MARCHF1: variants seen among roughly 807,000 people sequenced by gnomAD.
The protein encoded by MARCHF1 is E3 ubiquitin-protein ligase MARCHF1.
MARCHF1 carries 40 observed loss-of-function variants against 54.2 expected under a neutral mutation model. The observed-to-expected ratio is 0.74, with a 90% CI of 0.57 to 0.96. The LOEUF (loss-of-function observed/expected upper bound fraction) is 0.96. MARCHF1 is among the 40% of genes least tolerant of loss of function. The pLI is 0.00. For missense variants in MARCHF1, 586 were observed against 656.5 expected (o/e 0.89, Z 1.17); for synonymous variants, 236 against 236.3 (o/e 1.00, Z 0.01).
chr4:163,711,439 TC>T (rs1248704133), intron 4 of MARCHF1, among the ~76,000 whole-genome samples: 3 of 151,330 alleles, frequency 2.0e-5, no homozygotes, highest in African/African-American at 7.3e-5. Context: ...GTCCCACTGT[TC>T]CCCACCCTGA....
intron 1 of MARCHF1, chr4:164,197,176 G>A (rs1485218495): frequency 1.2e-6 from 2 of 1,607,808 alleles, no homozygotes; most frequent in South Asian, 2.2e-5. Flanking sequence ...CACTACCTGA[G>A]CATCTTCATC....
At chr4:163,722,601 T>C (rs1374152302) in intron 4 of MARCHF1, among the ~76,000 whole-genome samples, 3 of 152,194 alleles carry the variant, frequency 2.0e-5, no homozygotes, top group Non-Finnish European at 4.4e-5. Flanking sequence ...CTTTGTCTCA[T>C]TGATCTGTCT....
chr4:163,683,356 A>C (rs2111171672), intron 5 of MARCHF1, among the ~76,000 whole-genome samples: 1 of 152,270 alleles, frequency 6.6e-6, no homozygotes, highest in South Asian at 2.1e-4. Flanking sequence ...CACTATCACA[A>C]GAACAGCACG....
chr4:164,101,794 T>C (rs1755568313), intron 2 of MARCHF1, among the ~76,000 whole-genome samples: 1 of 149,634 alleles, frequency 6.7e-6, no homozygotes, highest in African/African-American at 2.4e-5. Context: ...AGAAGAAGGC[T>C]TCAGACGATC....
chr4:164,006,561 G>A (rs187010793), intron 2 of MARCHF1, among the ~76,000 whole-genome samples: 13 of 152,110 alleles, frequency 8.5e-5, no homozygotes, highest in African/African-American at 2.4e-4. Flanking sequence ...AAGTTTATTC[G>A]AAGAAATCAC....
At chr4:163,832,207 G>T (rs1348615579) in intron 4 of MARCHF1, among the ~76,000 whole-genome samples, 1 of 152,202 alleles carries the variant, frequency 6.6e-6, no homozygotes, top group East Asian at 1.9e-4. Flanking sequence ...CAGACAAATT[G>T]TGATGCCCTC....
chr4:164,160,703 T>C (rs900326408), intron 1 of MARCHF1, among the ~76,000 whole-genome samples: 1 of 152,122 alleles, frequency 6.6e-6, no homozygotes, highest in African/African-American at 2.4e-5. Context: ...TGACAGTGAG[T>C]GCTTTCTCTT....
At chr4:164,044,967 C>T (rs927502469) in intron 2 of MARCHF1, among the ~76,000 whole-genome samples, 5 of 151,898 alleles carry the variant, frequency 3.3e-5, no homozygotes, top group African/African-American at 1.2e-4. Context: ...TTTCTAGTAA[C>T]TCAGAAAAAT....
intron 5 of MARCHF1, among the ~76,000 whole-genome samples, chr4:163,653,343 G>T (rs1464731282): frequency 2.0e-5 from 3 of 151,790 alleles, no homozygotes; most frequent in Non-Finnish European, 4.4e-5. Flanking sequence ...GTAGCATGTG[G>T]TAAGAATGTT....
intron 1 of MARCHF1, among the ~76,000 whole-genome samples, chr4:164,295,759 G>C (rs1734394491): frequency 6.6e-6 from 1 of 152,088 alleles, no homozygotes; most frequent in African/African-American, 2.4e-5. Context: ...TAGGAGAAAA[G>C]AGAAAAAGAA....
chr4:164,216,741 C>T (rs1049136416), intron 1 of MARCHF1, among the ~76,000 whole-genome samples: 2 of 152,178 alleles, frequency 1.3e-5, no homozygotes, highest in African/African-American at 4.8e-5. Flanking sequence ...TGGCCTACAG[C>T]TGTCTCATTC....
At chr4:163,786,387 A>C (rs1423172987) in intron 4 of MARCHF1, among the ~76,000 whole-genome samples, 1 of 152,000 alleles carries the variant, frequency 6.6e-6, no homozygotes, top group African/African-American at 2.4e-5. Context: ...AAGCATCTCA[A>C]ACTGGTAAGA....
intron 2 of MARCHF1, among the ~76,000 whole-genome samples, chr4:164,014,192 A>T (rs76056874): frequency 6.7e-6 from 1 of 148,384 alleles, no homozygotes; most frequent in Admixed American, 6.7e-5. Context: ...CTGCATCTCA[A>T]AAAAAAAAAA....
chr4:164,357,130 AT>A (rs1167094102), intron 1 of MARCHF1, among the ~76,000 whole-genome samples: 3 of 149,804 alleles, frequency 2.0e-5, no homozygotes, highest in Non-Finnish European at 3.0e-5. Context: ...AAAAAAAAAA[AT>A]AAATAAAAAT....
chr4:164,270,451 T>C (rs369443247), intron 1 of MARCHF1, among the ~76,000 whole-genome samples: 5 of 152,302 alleles, frequency 3.3e-5, no homozygotes, highest in East Asian at 1.9e-4. Context: ...TGTCTCCAAA[T>C]ACTGGAGTGT....
At chr4:163,877,158 A>G (rs1331040079) in intron 3 of MARCHF1, among the ~76,000 whole-genome samples, 1 of 152,174 alleles carries the variant, frequency 6.6e-6, no homozygotes, top group Non-Finnish European at 1.5e-5. Flanking sequence ...TGACAGCATT[A>G]TTTGTAAGCT....
chr4:163,738,844 A>G (rs1298216356), intron 4 of MARCHF1, among the ~76,000 whole-genome samples: 3 of 152,196 alleles, frequency 2.0e-5, no homozygotes, highest in Non-Finnish European at 4.4e-5. Flanking sequence ...AACTACTTCA[A>G]ACATCATAAA....
chr4:163,549,237 A>G (rs1434528165), intron 8 of MARCHF1, among the ~76,000 whole-genome samples: 1 of 152,114 alleles, frequency 6.6e-6, no homozygotes, highest in Non-Finnish European at 1.5e-5. Context: ...TTTTTCCCAC[A>G]TGCCCCCTAG....
At chr4:164,065,339 T>C (rs951932715) in intron 2 of MARCHF1, among the ~76,000 whole-genome samples, 1 of 152,202 alleles carries the variant, frequency 6.6e-6, no homozygotes, top group African/African-American at 2.4e-5. Flanking sequence ...ATAAAAATCC[T>C]GGAAGACAAC....
Sources: allele counts gnomAD v4.1 joint callset (sites outside exome capture counted in the v4.1 genomes callset), GRCh38; gene constraint gnomAD v4.1.1; transcripts MANE v1.5; gene names NCBI Gene and HGNC (gene_info 2026-07-23, HGNC 2026-07-21).